PCDH11X: variants seen among roughly 807,000 people sequenced by gnomAD.
PCDH11X encodes the protein protocadherin-11 X-linked.
PCDH11X carries 18 observed loss-of-function variants against 53.3 expected under a neutral mutation model. That is an observed-to-expected ratio of 0.34 (90% CI 0.23 to 0.50). PCDH11X has a LOEUF of 0.50. Among genes scored for constraint, PCDH11X ranks in the 20% least tolerant of loss-of-function variants. The probability of loss-of-function intolerance (pLI) is 0.98; values close to 1 mark genes in which losing one functional copy is unlikely to be tolerated. For missense variants in PCDH11X, 570 were observed against 1,032.4 expected (o/e 0.55, Z 6.14); for synonymous variants, 279 against 393.3 (o/e 0.71, Z 3.44).
intron 6 of PCDH11X, among the ~76,000 whole-genome samples, chrX:92,104,101 A>T (rs2064321816): frequency 9.0e-6 from 1 of 111,448 alleles, no homozygotes; most frequent in African/African-American, 3.3e-5. Flanking sequence ...AAGGAGCATT[A>T]ACCTTGACTA....
intron 9 of PCDH11X, among the ~76,000 whole-genome samples, chrX:92,402,990 T>C (rs2071418383): frequency 9.1e-6 from 1 of 109,551 alleles, no homozygotes; most frequent in East Asian, 2.9e-4. Context: ...TGTGCGTGTG[T>C]GTATATATAT....
intron 9 of PCDH11X, among the ~76,000 whole-genome samples, chrX:92,396,908 A>T (rs1197510293): frequency 2.0e-5 from 1 of 50,250 alleles, no homozygotes; most frequent in African/African-American, 8.1e-5. Context: ...GTTCTAATGG[A>T]TTGAGCAGAG....
intron 6 of PCDH11X, among the ~76,000 whole-genome samples, chrX:92,098,755 C>T (rs2064187533): frequency 9.8e-6 from 1 of 101,919 alleles, no homozygotes; most frequent in Admixed American, 1.1e-4. Context: ...TCAAGCAATT[C>T]TCCTGCCTCA....
chrX:92,119,668 TTATTATTTC>T (rs1434230591), intron 6 of PCDH11X, among the ~76,000 whole-genome samples: 7 of 111,909 alleles, frequency 6.3e-5, no homozygotes, highest in South Asian at 3.7e-4. Context: ...TTTCATTATT[TTATTATTTC>T]TATTATTTCT....
At chrX:92,158,885 C>T (rs1256200228) in intron 6 of PCDH11X, among the ~76,000 whole-genome samples, 4 of 111,594 alleles carry the variant, frequency 3.6e-5, no homozygotes, top group Non-Finnish European at 7.5e-5. Context: ...CTGCTCACCT[C>T]GGCCTCCCAA....
chrX:92,571,984 G>GA (rs1443082111), intron 10 of PCDH11X, among the ~76,000 whole-genome samples: 2 of 112,022 alleles, frequency 1.8e-5, no homozygotes, highest in Middle Eastern at 4.6e-3. Context: ...TTGATATGTG[G>GA]AAAAAATAAC....
At chrX:91,920,111 A>G (rs1319106719) in intron 6 of PCDH11X, among the ~76,000 whole-genome samples, 1 of 111,774 alleles carries the variant, frequency 8.9e-6, no homozygotes, top group African/African-American at 3.3e-5. Flanking sequence ...CACATTGACA[A>G]AAACACATTT....
chrX:91,892,702 A>C (rs1156292785), intron 6 of PCDH11X, among the ~76,000 whole-genome samples: 5 of 98,904 alleles, frequency 5.1e-5, no homozygotes, highest in Non-Finnish European at 1.0e-4. Flanking sequence ...GGACAAGAAC[A>C]CATTTTTTTT....
rs878878871 is a variant in PCDH11X at position 91,983,444 on chromosome X, C to A, written c.3033+104171C>A. 7.8e-6 allele frequency: 5 copies of A among 637,475 alleles called. No individual in the cohort carries two copies. In the South Asian group the frequency reaches 1.1e-4, roughly 14 times the overall value. The allele number at this position is 637,475 out of a possible 1,213,427, so 52.5% of individuals were successfully genotyped here. A position where few individuals can be genotyped will look rare whatever the true frequency, so the allele number is the denominator to read the frequency against. On this transcript the variant is annotated intron_variant, in intron 6 of 10. Coordinates refer to ENST00000682573, the MANE Select transcript of PCDH11X (RefSeq NM_032968.5). Reference sequence around the variant, plus strand: ...AAGCATTATTAAGCCAAATCCATAGCCCTTAGTGAAGACATCCCTGGCAGA... The same window carrying A: ...AAGCATTATTAAGCCAAATCCATAGACCTTAGTGAAGACATCCCTGGCAGA...
intron 6 of PCDH11X, among the ~76,000 whole-genome samples, chrX:92,091,589 A>G (rs1238145092): frequency 9.0e-6 from 1 of 111,464 alleles, no homozygotes; most frequent in African/African-American, 3.3e-5. Flanking sequence ...TGAGACATTA[A>G]TCAAATACAT....
intron 6 of PCDH11X, among the ~76,000 whole-genome samples, chrX:92,180,861 CT>C (rs149189638): frequency 0.017 from 1,734 of 101,034 alleles, 28 homozygotes; most frequent in Non-Finnish European, 0.027. Context: ...TCCATTAAAA[CT>C]TTTTTTTTTT....
intron 8 of PCDH11X, among the ~76,000 whole-genome samples, chrX:92,336,043 A>G (rs1362082522): frequency 1.8e-5 from 2 of 111,695 alleles, no homozygotes; most frequent in Non-Finnish European, 1.9e-5. Context: ...GAGAACAGCT[A>G]TAGCAATTAT....
At position 92,618,659 on chromosome X, in the gene PCDH11X, A is replaced by G; in HGVS notation, c.3763A>G (p.Ile1255Val). The G allele has an allele frequency of 2.5e-6, 3 of 1,211,904 alleles. No homozygotes were observed. Among genetic ancestry groups the G allele is most frequent in the Non-Finnish European group, 3.4e-6 (3 of 895,468 alleles). Residue 1255 changes from isoleucine to valine, a missense_variant, in exon 11 of 11, where the codon ATC becomes GTC. By Grantham distance (29) the Ile-to-Val change is conservative (BLOSUM62 3). Around this residue, in one of 6 missense-constraint regions of PCDH11X, gnomAD observed 234 missense variants for 296.1 expected, o/e 0.79. Transcript: ENST00000682573. ...YSPPLAQAAA[I>V]SHSSPLPQVI... ...CCCTCCTTTAGCACAGGCTGCTGCAATCAGCCACAGCTCTCCTCTGCCACA... is the reference window on the plus strand; with the variant it reads ...CCCTCCTTTAGCACAGGCTGCTGCAGTCAGCCACAGCTCTCCTCTGCCACA...
chrX:91,993,998 G>A (rs2062369056), intron 6 of PCDH11X, among the ~76,000 whole-genome samples: 1 of 90,673 alleles, frequency 1.1e-5, no homozygotes, highest in Non-Finnish European at 2.2e-5. Context: ...GAAGGCGGCA[G>A]AGGAATAATA....
At chrX:92,056,654 T>C (rs1256906470) in intron 6 of PCDH11X, among the ~76,000 whole-genome samples, 5 of 110,308 alleles carry the variant, frequency 4.5e-5, no homozygotes, top group Non-Finnish European at 7.6e-5. Context: ...CCGAGATTCT[T>C]ATAGTTTTGG....
intron 5 of PCDH11X, among the ~76,000 whole-genome samples, chrX:91,853,573 G>A (rs1216108720): frequency 9.2e-6 from 1 of 108,769 alleles, no homozygotes; most frequent in African/African-American, 3.5e-5. Flanking sequence ...AGTTATGTAA[G>A]AATTATTAGC....
At chrX:91,788,915 G>T (rs1935420892) in intron 1 of PCDH11X, among the ~76,000 whole-genome samples, 1 of 111,897 alleles carries the variant, frequency 8.9e-6, no homozygotes, top group African/African-American at 3.2e-5. Flanking sequence ...TACCTTAAGT[G>T]TTGGCTGGTC....
chrX:92,605,649 ATT>A (rs766404912), intron 10 of PCDH11X, among the ~76,000 whole-genome samples: 1,377 of 112,090 alleles, frequency 0.012, 25 homozygotes, highest in African/African-American at 0.042. Flanking sequence ...AGAGCAATAT[ATT>A]AAAAATTGAG....
chrX:91,954,208 A>G (rs2061680939), intron 6 of PCDH11X, among the ~76,000 whole-genome samples: 1 of 110,446 alleles, frequency 9.1e-6, no homozygotes, highest in Non-Finnish European at 1.9e-5. Flanking sequence ...ATACATGAGA[A>G]CGTGTGGTGT....
Sources: allele counts gnomAD v4.1 joint callset (sites outside exome capture counted in the v4.1 genomes callset), GRCh38; gene constraint gnomAD v4.1.1; regional missense constraint gnomAD v4.1.1; transcripts MANE v1.5; gene names NCBI Gene and HGNC (gene_info 2026-07-23, HGNC 2026-07-21).